The following GABRB2 variants were observed in gnomAD, a reference collection of about 807,000 sequenced individuals.
GABRB2 encodes gamma-aminobutyric acid type A receptor subunit beta2, also known as gamma-aminobutyric acid receptor subunit beta-2.
A neutral mutation model predicts 54.7 loss-of-function variants in GABRB2; 16 were observed. The observed-to-expected ratio is 0.29, with a 90% CI of 0.20 to 0.44. The LOEUF is 0.44. GABRB2 is among the 20% of genes least tolerant of loss of function. The probability of loss-of-function intolerance (pLI) is 1.00; values close to 1 mark genes in which losing one functional copy is unlikely to be tolerated. For synonymous variants in GABRB2, 244 were observed against 233.8 expected, an observed-to-expected ratio of 1.04 and a Z score of -0.40; for missense variants, 355 against 644.0, an observed-to-expected ratio of 0.55 and a Z score of 4.86.
At chr5:161,379,006 G>T in intron 5 of GABRB2, among the ~76,000 whole-genome samples, 1 of 152,102 alleles carries the variant, frequency 6.6e-6, no homozygotes, top group East Asian at 1.9e-4. Flanking sequence ...CTAGAAATTT[G>T]ATCTCCTCAT....
chr5:161,450,579 A>T (rs979332012), intron 4 of GABRB2, among the ~76,000 whole-genome samples: 1 of 152,114 alleles, frequency 6.6e-6, no homozygotes, highest in South Asian at 2.1e-4. Flanking sequence ...CTCCAGCAGT[A>T]GCAGTAGCAA....
At chr5:161,541,846 C>G (rs1007434821) in intron 3 of GABRB2, among the ~76,000 whole-genome samples, 1 of 152,178 alleles carries the variant, frequency 6.6e-6, no homozygotes, top group Non-Finnish European at 1.5e-5. Flanking sequence ...TTTCAATTTC[C>G]TTCATTGACT....
intron 4 of GABRB2, among the ~76,000 whole-genome samples, chr5:161,444,745 G>A (rs36007288): frequency 0.022 from 3,409 of 152,038 alleles, 60 homozygotes; most frequent in Non-Finnish European, 0.034. Context: ...AATGCCACAC[G>A]TTTTCTACTA....
In GABRB2 at chr5:161,322,414, T is replaced by C. The variant is rs1758238769; in HGVS notation, c.1191+3954A>G. 2.0e-5 allele frequency among the ~76,000 whole-genome samples: 3 copies of C among 152,232 alleles called. No individual in the cohort carries two copies. The South Asian group carries it at 6.2e-4, about 32-fold the overall frequency. ...CCATACCCAGATAATTTTTGTACTT[T>C]TTCTAGAGACAGGATTTTACCATGT... On this transcript the variant is annotated intron_variant, in intron 9 of 9. Coordinates refer to ENST00000393959, the MANE Select transcript of GABRB2 (RefSeq NM_001371727.1).
intron 9 of GABRB2, among the ~76,000 whole-genome samples, chr5:161,319,671 T>C (rs1357945839): frequency 1.3e-5 from 2 of 151,640 alleles, no homozygotes; most frequent in African/African-American, 2.4e-5. Context: ...ATTTACGTTA[T>C]GTGACCATCT....
chr5:161,466,448 C>A (rs185541878), intron 3 of GABRB2, among the ~76,000 whole-genome samples: 5 of 152,148 alleles, frequency 3.3e-5, no homozygotes, highest in Admixed American at 3.3e-4. Flanking sequence ...TTCTAAATTT[C>A]TCTTCACTCA....
chr5:161,310,421 C>T (rs1757826564), intron 9 of GABRB2, among the ~76,000 whole-genome samples: 1 of 152,242 alleles, frequency 6.6e-6, no homozygotes, highest in Non-Finnish European at 1.5e-5. Flanking sequence ...AGCCTTGTTG[C>T]TACTGGAAGC....
At chr5:161,331,624 G>C (rs76145266) in intron 7 of GABRB2, among the ~76,000 whole-genome samples, 1 of 152,108 alleles carries the variant, frequency 6.6e-6, no homozygotes, top group Non-Finnish European at 1.5e-5. Context: ...GGATTTGGGG[G>C]AGAGTACACA....
intron 5 of GABRB2, among the ~76,000 whole-genome samples, chr5:161,393,880 C>G: frequency 6.6e-6 from 1 of 151,988 alleles, no homozygotes. Context: ...GTATGAACAA[C>G]CACATTAACC....
At chr5:161,403,480 C>T (rs1756263428) in intron 5 of GABRB2, among the ~76,000 whole-genome samples, 2 of 152,074 alleles carry the variant, frequency 1.3e-5, no homozygotes, top group African/African-American at 4.8e-5. Context: ...ATATGAGAGA[C>T]TTGATCTGGT....
intron 5 of GABRB2, among the ~76,000 whole-genome samples, chr5:161,352,078 G>T (rs937560601): frequency 2.6e-5 from 4 of 151,846 alleles, no homozygotes; most frequent in Non-Finnish European, 5.9e-5. Context: ...TGGAGAAAAC[G>T]GGACCCTTAT....
rs190899234 is a variant in GABRB2 at position 161,399,396 on chromosome 5, G to A, written c.541+11579C>T. Among the ~76,000 whole-genome samples the A allele has an allele frequency of 3.3e-5, 5 of 152,120 alleles. No homozygotes were observed. In the East Asian group the frequency reaches 5.8e-4, roughly 18 times the overall value. Reference sequence around the variant, plus strand: ...GACTCCGCCAGTCAGATGTACTTACGGGGGACTTGAATTCAGGACTGGGTT... The same window carrying A: ...GACTCCGCCAGTCAGATGTACTTACAGGGGACTTGAATTCAGGACTGGGTT... On this transcript the variant is annotated intron_variant, in intron 5 of 9. Coordinates refer to ENST00000393959, the MANE Select transcript of GABRB2 (RefSeq NM_001371727.1).
chr5:161,505,109 CTT>C (rs34388314), intron 3 of GABRB2, among the ~76,000 whole-genome samples: 22 of 135,492 alleles, frequency 1.6e-4, no homozygotes, highest in African/African-American at 2.7e-4. Flanking sequence ...TTTTCCTTTT[CTT>C]TTTTTTTTTT....
intron 3 of GABRB2, among the ~76,000 whole-genome samples, chr5:161,538,376 A>G (rs1760708638): frequency 6.6e-6 from 1 of 152,244 alleles, no homozygotes; most frequent in African/African-American, 2.4e-5. Context: ...AATACCAAAT[A>G]CCCAGACAAG....
chr5:161,514,281 C>T (rs892889322), intron 3 of GABRB2, among the ~76,000 whole-genome samples: 4 of 152,188 alleles, frequency 2.6e-5, no homozygotes, highest in East Asian at 1.9e-4. Context: ...CTCCTTGAAA[C>T]TCCAACCTCT....
At chr5:161,315,267 A>G (rs1459539419) in intron 9 of GABRB2, among the ~76,000 whole-genome samples, 5 of 152,210 alleles carry the variant, frequency 3.3e-5, no homozygotes, top group Non-Finnish European at 7.3e-5. Context: ...AAGAAACCCA[A>G]TTGAAAGAAA....
intron 9 of GABRB2, among the ~76,000 whole-genome samples, chr5:161,300,652 C>G (rs577376362): frequency 6.6e-6 from 1 of 152,302 alleles, no homozygotes; most frequent in African/African-American, 2.4e-5. Context: ...TATCAGACTA[C>G]TCTGGAGGCC....
intron 6 of GABRB2, 95 bp downstream of exon 6, chr5:161,336,536 TG>T: frequency 7.3e-7 from 1 of 1,374,222 alleles, no homozygotes; most frequent in Non-Finnish European, 9.9e-7. Context: ...TGTAAAGTCA[TG>T]GTGCTTCCCT....
chr5:161,411,814 TTA>T (rs202054186), intron 4 of GABRB2, among the ~76,000 whole-genome samples: 73 of 149,378 alleles, frequency 4.9e-4, no homozygotes, highest in African/African-American at 9.3e-4. Context: ...CATTTAGAGT[TTA>T]TATATATATA....
Sources: gnomAD v4.1 joint callset for allele counts (sites outside exome capture counted in the v4.1 genomes callset) on GRCh38, gnomAD v4.1.1 for gene constraint, MANE v1.5 for transcripts, NCBI Gene and HGNC (gene_info 2026-07-23, HGNC 2026-07-21) for gene names.